Variants in CNTNAP2 observed in about 807,000 individuals in gnomAD.
CNTNAP2 encodes the protein contactin associated protein 2.
In CNTNAP2, 98 loss-of-function variants were observed where a neutral mutation model predicts 155.2. That is an observed-to-expected ratio of 0.63 (90% CI 0.54 to 0.75). The LOEUF (loss-of-function observed/expected upper bound fraction) is 0.75, where lower values mean the gene tolerates loss of function less well. CNTNAP2 is among the 30% of genes least tolerant of loss of function. The pLI is 0.00. For synonymous variants in CNTNAP2, 651 were observed against 631.2 expected (o/e 1.03, Z -0.47); for missense variants, 1,727 against 1,688.1 (o/e 1.02, Z -0.40).
At chr7:148,137,041 G>A (rs1804967945) in intron 16 of CNTNAP2, among the ~76,000 whole-genome samples, 1 of 152,112 alleles carries the variant, frequency 6.6e-6, no homozygotes, top group African/African-American at 2.4e-5. Flanking sequence ...ACAACCATAA[G>A]GGATGCTGTG....
intron 1 of CNTNAP2, among the ~76,000 whole-genome samples, chr7:146,588,937 T>A (rs1485929936): frequency 6.7e-6 from 1 of 150,060 alleles, no homozygotes; most frequent in Non-Finnish European, 1.5e-5. Flanking sequence ...TCTGCAATAT[T>A]AAACTGCTTT....
At chr7:146,372,832 C>A (rs1241651549) in intron 1 of CNTNAP2, among the ~76,000 whole-genome samples, 5 of 152,082 alleles carry the variant, frequency 3.3e-5, no homozygotes, top group Non-Finnish European at 7.4e-5. Context: ...AATTGGAAAG[C>A]AATGGAGGTA....
chr7:146,426,028 A>G (rs1249167828), intron 1 of CNTNAP2, among the ~76,000 whole-genome samples: 1 of 151,724 alleles, frequency 6.6e-6, no homozygotes, highest in Non-Finnish European at 1.5e-5. Flanking sequence ...TCTACTAAAA[A>G]TACAAAAATT....
At chr7:147,060,562 A>T (rs2129262059) in intron 4 of CNTNAP2, among the ~76,000 whole-genome samples, 1 of 152,184 alleles carries the variant, frequency 6.6e-6, no homozygotes, top group African/African-American at 2.4e-5. Flanking sequence ...CTCTACTAAA[A>T]GTACAAAAAA....
rs188568991 is a variant in CNTNAP2 at position 147,156,545 on chromosome 7, C to A, written c.1348+24036C>A. ...CTTGCTTTTGCTGCATTGCATAAAC[C>A]CTGCATATGCACACTGTGCCTTAAA... On this transcript the variant is annotated intron_variant, in intron 8 of 23. Coordinates refer to ENST00000361727, the MANE Select transcript of CNTNAP2 (RefSeq NM_014141.6). 5.9e-5 allele frequency among the ~76,000 whole-genome samples: 9 copies of A among 152,212 alleles called. No homozygotes were observed. The East Asian group carries it at 1.5e-3, about 26-fold the overall frequency.
At chr7:146,603,636 C>T (rs1798988918) in intron 1 of CNTNAP2, among the ~76,000 whole-genome samples, 1 of 150,886 alleles carries the variant, frequency 6.6e-6, no homozygotes, top group African/African-American at 2.4e-5. Flanking sequence ...GCCAAAAGAA[C>T]AAAGCTGGAG....
chr7:147,186,820 A>G (rs1802575916), intron 8 of CNTNAP2, among the ~76,000 whole-genome samples: 1 of 152,180 alleles, frequency 6.6e-6, no homozygotes, highest in South Asian at 2.1e-4. Context: ...AGGGAACAGC[A>G]GTGCTAAGGA....
intron 1 of CNTNAP2, among the ~76,000 whole-genome samples, chr7:146,726,882 A>G (rs889275710): frequency 3.3e-5 from 5 of 152,150 alleles, no homozygotes; most frequent in Admixed American, 2.6e-4. Flanking sequence ...TTCAAAATAT[A>G]TTATTTCTCT....
intron 1 of CNTNAP2, among the ~76,000 whole-genome samples, chr7:146,608,100 T>A (rs1290326093): frequency 6.6e-6 from 1 of 152,316 alleles, no homozygotes; most frequent in African/African-American, 2.4e-5. Flanking sequence ...TCTCCATCTT[T>A]TAATGTTAAA....
chr7:146,725,812 A>AAGCTC (rs1286860763), intron 1 of CNTNAP2, among the ~76,000 whole-genome samples: 7 of 152,162 alleles, frequency 4.6e-5, no homozygotes, highest in Admixed American at 1.3e-4. Context: ...ACCAATTAGC[A>AAGCTC]AGCTCCCATT....
chr7:146,490,156 T>C (rs1182853473), intron 1 of CNTNAP2, among the ~76,000 whole-genome samples: 3 of 152,244 alleles, frequency 2.0e-5, no homozygotes, highest in Non-Finnish European at 4.4e-5. Context: ...GTCTGCCTCC[T>C]GCCACTATCA....
intron 21 of CNTNAP2, among the ~76,000 whole-genome samples, chr7:148,281,393 A>C (rs921754687): frequency 3.9e-5 from 6 of 152,230 alleles, no homozygotes; most frequent in African/African-American, 1.4e-4. Flanking sequence ...CAAATAGTTA[A>C]TTGAAATTTC....
intron 8 of CNTNAP2, among the ~76,000 whole-genome samples, chr7:147,259,784 A>C (rs1205469020): frequency 6.6e-6 from 1 of 152,238 alleles, no homozygotes; most frequent in Non-Finnish European, 1.5e-5. Context: ...TGCGAGGGTC[A>C]AATTTAAAAC....
Position 146,322,551 on chromosome 7 carries a change from A to AAG in CNTNAP2, c.97+205578_97+205579insAG, listed in dbSNP as rs552584537. 2.6e-3 allele frequency among the ~76,000 whole-genome samples: 394 copies of AAG among 150,548 alleles called. 3 individuals are homozygous for AAG. The highest frequency in any genetic ancestry group is 8.8e-3 in the African/African-American group (359 of 40,912). ...CTCAGAATGAAACATACAAATTTAA[A>AAG]TTTGGGAAATCTATTGGATCCTCTT... On this transcript the variant is annotated intron_variant, in intron 1 of 23. Coordinates refer to ENST00000361727, the MANE Select transcript of CNTNAP2 (RefSeq NM_014141.6).
At chr7:148,396,129 G>A (rs1488489038) in intron 22 of CNTNAP2, among the ~76,000 whole-genome samples, 4 of 152,264 alleles carry the variant, frequency 2.6e-5, no homozygotes, top group East Asian at 1.9e-4. Context: ...GGGGCAACGC[G>A]GTTGTACATG....
chr7:146,688,293 A>C (rs1299363001), intron 1 of CNTNAP2, among the ~76,000 whole-genome samples: 3 of 152,174 alleles, frequency 2.0e-5, no homozygotes, highest in Admixed American at 6.6e-5. Context: ...GTTTCATTTC[A>C]AATTCTGCAA....
At chr7:147,069,928 T>G (rs1318455856) in intron 4 of CNTNAP2, among the ~76,000 whole-genome samples, 1 of 152,214 alleles carries the variant, frequency 6.6e-6, no homozygotes, top group Non-Finnish European at 1.5e-5. Flanking sequence ...TTAATCATAT[T>G]GGGATAGTGG....
intron 1 of CNTNAP2, among the ~76,000 whole-genome samples, chr7:146,696,730 C>A (rs1800788870): frequency 6.6e-6 from 1 of 152,128 alleles, no homozygotes; most frequent in African/African-American, 2.4e-5. Context: ...TTAATTTTCA[C>A]TTCAAACTAT....
intron 8 of CNTNAP2, among the ~76,000 whole-genome samples, chr7:147,271,777 T>C (rs1248537431): frequency 6.6e-6 from 1 of 152,156 alleles, no homozygotes; most frequent in Non-Finnish European, 1.5e-5. Flanking sequence ...TCCTACCGGG[T>C]GCCTCCTATA....
Sources: gnomAD v4.1 joint callset for allele counts (sites outside exome capture counted in the v4.1 genomes callset) on GRCh38, gnomAD v4.1.1 for gene constraint, MANE v1.5 for transcripts, NCBI Gene and HGNC (gene_info 2026-07-23, HGNC 2026-07-21) for gene names.